XRCC5: variants seen among roughly 807,000 people sequenced by gnomAD.
XRCC5 encodes the protein X-ray repair cross complementing 5.
XRCC5 carries 12 observed loss-of-function variants against 95.7 expected under a neutral mutation model. The observed-to-expected ratio is 0.13, with a 90% CI of 0.08 to 0.20. The LOEUF (loss-of-function observed/expected upper bound fraction) is 0.20, where lower values mean the gene tolerates loss of function less well. Among genes scored for constraint, XRCC5 ranks in the 10% least tolerant of loss-of-function variants. The pLI, the probability that XRCC5 is intolerant of heterozygous loss-of-function variation, is 1.00. For missense variants in XRCC5, 595 were observed against 873.9 expected, an observed-to-expected ratio of 0.68 and a Z score of 4.02; for synonymous variants, 281 against 290.3, an observed-to-expected ratio of 0.97 and a Z score of 0.33.
intron 1 of XRCC5, 94 bp from the exon 2 acceptor site, chr2:216,112,922 G>C: frequency 1.1e-6 from 1 of 929,192 alleles, no homozygotes; most frequent in East Asian, 2.4e-5. Flanking sequence ...CCTAAATACT[G>C]ATACAGGTTC....
In XRCC5 at chr2:216,137,306, G is replaced by A. The variant is rs1697100240; in HGVS notation, c.1251+81G>A. On this transcript the variant is annotated intron_variant, in intron 11 of 20. Coordinates refer to ENST00000392132, the MANE Select transcript of XRCC5 (RefSeq NM_021141.4). ...GTGTTTCTCAGCTGTTAATGTTCAT[G>A]ACAATTACTTGGGGATCTTGTTAAA... The A allele has an allele frequency of 2.1e-6, 3 of 1,448,788 alleles. No homozygotes were observed. In the Admixed American group the frequency reaches 7.0e-5, roughly 34 times the overall value. 89.7% of individuals were successfully genotyped at this position (1,448,788 alleles called of 1,614,324 possible).
intron 16 of XRCC5, chr2:216,175,816 G>T: frequency 2.3e-6 from 1 of 436,032 alleles, no homozygotes; most frequent in Non-Finnish European, 4.4e-6. Context: ...TGTTTGCTTG[G>T]GGTTCTGTCA....
chr2:216,187,861 T>TCTCTCTCTCTCTCTCCCCC (rs143232624), intron 16 of XRCC5, among the ~76,000 whole-genome samples: 2 of 116,234 alleles, frequency 1.7e-5, no homozygotes, highest in African/African-American at 8.4e-5. Flanking sequence ...TCTCTCTCTC[T>TCTCTCTCTCTCTCTCCCCC]CCCCGTCTCC....
chr2:216,161,057 C>G (rs41301706), intron 15 of XRCC5, among the ~76,000 whole-genome samples: 1,744 of 152,216 alleles, frequency 0.011, 36 homozygotes, highest in African/African-American at 0.04. Flanking sequence ...TGGCCGATAA[C>G]TTTTTAACAC....
intron 14 of XRCC5, among the ~76,000 whole-genome samples, chr2:216,152,255 G>A (rs956345769): frequency 6.6e-6 from 1 of 152,052 alleles, no homozygotes; most frequent in African/African-American, 2.4e-5. Flanking sequence ...TGGCCAACAT[G>A]GTGAAACCCT....
chr2:216,197,594 T>G, intron 19 of XRCC5, among the ~76,000 whole-genome samples: 1 of 152,270 alleles, frequency 6.6e-6, no homozygotes, highest in African/African-American at 2.4e-5. Flanking sequence ...TTTTAGAGCA[T>G]AGTGTTTCCA....
At chr2:216,163,481 G>A (rs1027921139) in intron 16 of XRCC5, among the ~76,000 whole-genome samples, 2 of 151,856 alleles carry the variant, frequency 1.3e-5, no homozygotes, top group Non-Finnish European at 2.9e-5. Context: ...GCACAGACGG[G>A]GTTTCGTTAT....
chr2:216,192,832 T>C, intron 18 of XRCC5, 97 bp downstream of exon 18: 1 of 830,176 alleles, frequency 1.2e-6, no homozygotes, highest in Admixed American at 3.6e-5. Flanking sequence ...ATAAACTGTA[T>C]TGTATAATGA....
chr2:216,147,975 GA>G, intron 13 of XRCC5, 107 bp from the exon 14 acceptor site: 5 of 1,193,352 alleles, frequency 4.2e-6, no homozygotes, highest in Non-Finnish European at 6.0e-6. Context: ...CATGTGGTAT[GA>G]ATCACTTAGC....
At chr2:216,120,624 T>C (rs982031247) in intron 5 of XRCC5, among the ~76,000 whole-genome samples, 1 of 152,188 alleles carries the variant, frequency 6.6e-6, no homozygotes, top group East Asian at 1.9e-4. Context: ...GGCATAGTTA[T>C]AGCTCACTGC....
intron 16 of XRCC5, among the ~76,000 whole-genome samples, chr2:216,164,438 T>A (rs1689015971): frequency 6.6e-6 from 1 of 152,264 alleles, no homozygotes; most frequent in Non-Finnish European, 1.5e-5. Flanking sequence ...CATTAGCAGT[T>A]CTGCAAAATC....
intron 5 of XRCC5, 25 bp from the exon 6 acceptor site, chr2:216,122,037 A>G: frequency 6.3e-7 from 1 of 1,588,664 alleles, no homozygotes; most frequent in Non-Finnish European, 8.6e-7. Flanking sequence ...TTAGAACACT[A>G]ACTACTGTTG....
intron 12 of XRCC5, among the ~76,000 whole-genome samples, chr2:216,139,470 A>G (rs2106013889): frequency 6.6e-6 from 1 of 152,306 alleles, no homozygotes; most frequent in African/African-American, 2.4e-5. Context: ...CTTATTCACT[A>G]TCATGAGAAT....
At chr2:216,115,779 G>C (rs1170065558) in intron 2 of XRCC5, among the ~76,000 whole-genome samples, 2 of 151,638 alleles carry the variant, frequency 1.3e-5, no homozygotes, top group Non-Finnish European at 2.9e-5. Flanking sequence ...ATTGTCTTAT[G>C]CTGTAAATCC....
chr2:216,132,537 A>G, intron 10 of XRCC5, 150 bp downstream of exon 10: 1 of 766,338 alleles, frequency 1.3e-6, no homozygotes, highest in East Asian at 2.6e-5. Context: ...GAAAATGGAG[A>G]TGTGGTAAAT....
chr2:216,126,097 A>G (rs41299778), intron 7 of XRCC5, 66 bp downstream of exon 7: 49,171 of 1,288,540 alleles, frequency 0.038, 1,119 homozygotes, highest in Non-Finnish European at 0.047. Flanking sequence ...TATATAAGGA[A>G]CAGACAATTC....
intron 13 of XRCC5, among the ~76,000 whole-genome samples, chr2:216,141,737 C>T (rs1255530495): frequency 6.6e-6 from 1 of 151,870 alleles, no homozygotes; most frequent in Non-Finnish European, 1.5e-5. Flanking sequence ...CCATGCCTGG[C>T]TCATTTGTAA....
intron 13 of XRCC5, among the ~76,000 whole-genome samples, chr2:216,142,566 G>T (rs1697189638): frequency 6.6e-6 from 1 of 152,034 alleles, no homozygotes; most frequent in East Asian, 1.9e-4. Context: ...ATGACAGCAG[G>T]ACATAGGCTT....
At chr2:216,122,984 A>G (rs1345421259) in intron 6 of XRCC5, among the ~76,000 whole-genome samples, 1 of 152,232 alleles carries the variant, frequency 6.6e-6, no homozygotes, top group Non-Finnish European at 1.5e-5. Flanking sequence ...GAACCTAAGA[A>G]GAATCGGTGG....
Sources: allele counts gnomAD v4.1 joint callset (sites outside exome capture counted in the v4.1 genomes callset), GRCh38; gene constraint gnomAD v4.1.1; transcripts MANE v1.5; gene names NCBI Gene and HGNC (gene_info 2026-07-23, HGNC 2026-07-21).